The following CDK7 variants were observed in gnomAD, a reference collection of about 807,000 sequenced individuals.
The protein encoded by CDK7 is cyclin-dependent kinase 7.
CDK7 carries 25 observed loss-of-function variants against 49.1 expected under a neutral mutation model. The observed-to-expected ratio is 0.51, with a 90% confidence interval of 0.37 to 0.71. The LOEUF (loss-of-function observed/expected upper bound fraction) is 0.71. CDK7 is among the 30% of genes least tolerant of loss of function. CDK7 has a pLI of 0.00. For missense variants in CDK7, 316 were observed against 411.7 expected (o/e 0.77, Z 2.01); for synonymous variants, 107 against 140.0 (o/e 0.76, Z 1.67).
At chr5:69,276,169 C>A (rs1165097771) in intron 10 of CDK7, among the ~76,000 whole-genome samples, 1 of 152,112 alleles carries the variant, frequency 6.6e-6, no homozygotes, top group Non-Finnish European at 1.5e-5. Context: ...GTGGGGACTA[C>A]AGACATGCAC....
intron 8 of CDK7, among the ~76,000 whole-genome samples, chr5:69,262,963 GC>G (rs1251351607): frequency 6.6e-6 from 1 of 152,022 alleles, no homozygotes; most frequent in Non-Finnish European, 1.5e-5. Context: ...TTTTAAGTGC[GC>G]TTTAGGAAAT....
chr5:69,273,031 C>T lies in CDK7; in HGVS notation c.854C>T (p.Thr285Met), dbSNP rs34584424. The change falls in exon 10 of 12, where the codon ACG becomes ATG. Residue 285 changes from threonine to methionine, a missense_variant. Transcript: ENST00000256443. ...TTATTTAATCCATGTGCTCGAATTA[C>T]GGCCACACAGGTATTTTGGTGTATC... is the stretch of plus-strand genomic sequence containing the variant. ...LFLFNPCARITATQALKMKYF... is the reference protein window; with the variant it reads ...LFLFNPCARIMATQALKMKYF... The T allele has an allele frequency of 0.021, 31,787 of 1,545,990 alleles. 402 individuals are homozygous for T. The highest frequency in any genetic ancestry group is 0.024 in the Non-Finnish European group (27,571 of 1,139,108).
intron 1 of CDK7, 74 bp from the exon 2 acceptor site, chr5:69,235,320 G>A: frequency 1.7e-6 from 2 of 1,171,958 alleles, no homozygotes; most frequent in Non-Finnish European, 1.3e-6. Flanking sequence ...TCTTTGCTTC[G>A]CGAAATGTAA....
intron 2 of CDK7, among the ~76,000 whole-genome samples, chr5:69,248,951 G>C (rs1396517295): frequency 1.3e-5 from 2 of 151,696 alleles, no homozygotes; most frequent in Non-Finnish European, 2.9e-5. Flanking sequence ...TTACCAGCGT[G>C]AGCCACCGTC....
chr5:69,244,769 A>G (rs1480646027), intron 2 of CDK7, among the ~76,000 whole-genome samples: 3 of 152,132 alleles, frequency 2.0e-5, no homozygotes, highest in Non-Finnish European at 2.9e-5. Context: ...GGTGTGTTCA[A>G]GCTCTTAAAG....
chr5:69,255,028 G>T (rs188299472), intron 4 of CDK7, among the ~76,000 whole-genome samples: 4 of 152,336 alleles, frequency 2.6e-5, no homozygotes, highest in East Asian at 3.9e-4. Flanking sequence ...TCATAGGGAA[G>T]TTGTGAGACT....
intron 8 of CDK7, among the ~76,000 whole-genome samples, chr5:69,267,764 C>G (rs1399708979): frequency 6.6e-6 from 1 of 152,066 alleles, no homozygotes; most frequent in South Asian, 2.1e-4. Flanking sequence ...ATACATCAGA[C>G]AGCTTAGTTT....
At chr5:69,244,112 G>A (rs947632097) in intron 2 of CDK7, among the ~76,000 whole-genome samples, 10 of 152,042 alleles carry the variant, frequency 6.6e-5, no homozygotes, top group African/African-American at 1.9e-4. Flanking sequence ...GATTACAGGC[G>A]TGAGCCACCA....
chr5:69,258,726 G>A (rs1200811264), intron 6 of CDK7, among the ~76,000 whole-genome samples: 1 of 152,046 alleles, frequency 6.6e-6, no homozygotes, highest in East Asian at 1.9e-4. Context: ...TAAGTGACCT[G>A]ACCATGGTTA....
intron 2 of CDK7, among the ~76,000 whole-genome samples, chr5:69,237,562 G>A (rs905212451): frequency 2.0e-5 from 3 of 152,102 alleles, no homozygotes; most frequent in African/African-American, 7.2e-5. Flanking sequence ...GTCGAAATTT[G>A]AAATCCTCCT....
chr5:69,262,216 C>T lies in CDK7; in HGVS notation c.539C>T (p.Ala180Val), dbSNP rs768849907. 6.2e-6 allele frequency: 10 copies of T among 1,613,456 alleles called. No individual in the cohort carries two copies. The highest frequency in any genetic ancestry group is 2.2e-5 in the East Asian group (1 of 44,898). ...THQVVTRWYR[A>V]PELLFGARMY... is the part of the protein sequence containing the mutation. ...TTTTTGTTCTTTAGGTGGTATCGGG[C>T]CCCCGAGTTACTATTTGGAGCTAGG... The change falls in exon 8 of 12, where the codon GCC becomes GTC. Residue 180 changes from alanine to valine, a missense_variant. Ala to Val is a moderately conservative substitution (Grantham distance 64, BLOSUM62 0). Transcript: ENST00000256443.
chr5:69,270,323 T>A (rs942749432), intron 9 of CDK7, among the ~76,000 whole-genome samples: 7 of 152,164 alleles, frequency 4.6e-5, no homozygotes, highest in African/African-American at 1.7e-4. Context: ...GCACACATTA[T>A]GGTCCCAGCT....
intron 2 of CDK7, among the ~76,000 whole-genome samples, chr5:69,245,582 C>T (rs758522075): frequency 1.8e-4 from 27 of 152,076 alleles, no homozygotes; most frequent in Non-Finnish European, 2.8e-4. Context: ...CTCAAGTGAT[C>T]GGCCTGCCTC....
rs138764556 is a variant in CDK7 at position 69,252,494 on chromosome 5, C to CT, written c.160+73dup. On this transcript the variant is annotated intron_variant, in intron 3 of 11. Coordinates refer to ENST00000256443, the MANE Select transcript of CDK7 (RefSeq NM_001799.4). ...TCTGACAGATAGGAAAAGTTTTCTC[C>CT]TTTTTTTTTTTTTTTTTTTTTTTTT... 8.9e-3 allele frequency: 3,218 copies of CT among 363,506 alleles called. 36 individuals are homozygous for CT. The highest frequency in any genetic ancestry group is 0.034 in the East Asian group (609 of 17,722). 22.5% of individuals were successfully genotyped at this position (363,506 alleles called of 1,614,324 possible). A position where few individuals can be genotyped will look rare whatever the true frequency, so the allele number is the denominator to read the frequency against.
At chr5:69,246,791 TTG>T (rs1334928422) in intron 2 of CDK7, among the ~76,000 whole-genome samples, 1 of 152,082 alleles carries the variant, frequency 6.6e-6, no homozygotes, top group Non-Finnish European at 1.5e-5. Context: ...TTTTGGTATG[TTG>T]TGTTTCCGTT....
chr5:69,260,198 G>T (rs1214934019), intron 7 of CDK7, among the ~76,000 whole-genome samples: 1 of 151,920 alleles, frequency 6.6e-6, no homozygotes, highest in Non-Finnish European at 1.5e-5. Flanking sequence ...AAATACAAAA[G>T]AATTAGCTGG....
intron 6 of CDK7, among the ~76,000 whole-genome samples, chr5:69,258,378 T>C (rs1383333558): frequency 3.8e-5 from 1 of 26,520 alleles, no homozygotes; most frequent in Non-Finnish European, 6.6e-5. Context: ...AGTCCCTCAT[T>C]TTTTTTTTTT....
intron 2 of CDK7, among the ~76,000 whole-genome samples, chr5:69,251,833 C>T (rs1487700921): frequency 6.6e-6 from 1 of 152,202 alleles, no homozygotes; most frequent in Non-Finnish European, 1.5e-5. Context: ...TACACCCCGC[C>T]AGTCTTTTCT....
chr5:69,247,673 T>C (rs1206761963), intron 2 of CDK7, among the ~76,000 whole-genome samples: 3 of 152,104 alleles, frequency 2.0e-5, no homozygotes, highest in Non-Finnish European at 4.4e-5. Flanking sequence ...TTTCTTCCTG[T>C]CTTCCTTGTA....
Sources: gnomAD v4.1 joint callset for allele counts (sites outside exome capture counted in the v4.1 genomes callset) on GRCh38, gnomAD v4.1.1 for gene constraint, MANE v1.5 for transcripts, NCBI Gene and HGNC (gene_info 2026-07-23, HGNC 2026-07-21) for gene names.